Variants in MSN observed in about 807,000 individuals in gnomAD.
MSN encodes epididymis luminal protein 70.
Under a neutral mutation model 48.0 loss-of-function variants are expected in MSN, and 2 were observed. The observed-to-expected ratio is 0.04, with a 90% CI of 0.02 to 0.13. The LOEUF is 0.13. MSN is among the 10% of genes least tolerant of loss of function. The probability of loss-of-function intolerance (pLI) is 1.00; values close to 1 mark genes in which losing one functional copy is unlikely to be tolerated. For missense variants in MSN, 267 were observed against 470.1 expected, an observed-to-expected ratio of 0.57 and a Z score of 3.99; for synonymous variants, 146 against 166.9, an observed-to-expected ratio of 0.87 and a Z score of 0.97.
At chrX:65,722,922 C>T (rs1391978040) in intron 2 of MSN, among the ~76,000 whole-genome samples, 2 of 111,543 alleles carry the variant, frequency 1.8e-5, no homozygotes. Context: ...CCTCTACAGA[C>T]CTCAGATGTA....
rs1324870870 is a variant in MSN at position 65,667,683 on chromosome X, C to A, written c.-159C>A. On this transcript the variant is annotated 5_prime_UTR_variant, in exon 1 of 13. Coordinates refer to ENST00000360270, the MANE Select transcript of MSN (RefSeq NM_002444.3). ...CTTTCCTGGGTGGGGTTTGTGAAGT[C>A]GTGGCCCGTTAGCAGGAAGCCTAAC... The A allele has an allele frequency of 3.6e-6, 4 of 1,097,572 alleles. No homozygotes were observed. Among genetic ancestry groups the A allele is most frequent in the African/African-American group, 3.7e-5 (2 of 54,593 alleles). The allele number at this position is 1,097,572 out of a possible 1,213,427, so 90.5% of individuals were successfully genotyped here. A position where few individuals can be genotyped will look rare whatever the true frequency, so the allele number is the denominator to read the frequency against.
intron 1 of MSN, among the ~76,000 whole-genome samples, chrX:65,622,953 TATC>T (rs1314083883): frequency 8.9e-6 from 1 of 112,117 alleles, no homozygotes; most frequent in Non-Finnish European, 1.9e-5. Context: ...TGAGTGTTTT[TATC>T]ATCAAAAGGT....
intron 3 of MSN, 116 bp from the exon 4 acceptor site, chrX:65,729,322 C>T: frequency 1.2e-6 from 1 of 842,549 alleles, no homozygotes; most frequent in Non-Finnish European, 1.7e-6. Flanking sequence ...AGTTGCCACC[C>T]AGCTGTCTAA....
intron 1 of MSN, among the ~76,000 whole-genome samples, chrX:65,606,727 T>G (rs769740183): frequency 8.9e-6 from 1 of 112,889 alleles, no homozygotes; most frequent in East Asian, 2.8e-4. Context: ...AGGCTGATCA[T>G]CAATTTAATT....
At chrX:65,592,752 AT>A (rs1363291655) in intron 1 of MSN, among the ~76,000 whole-genome samples, 1 of 110,516 alleles carries the variant, frequency 9.0e-6, no homozygotes, top group Non-Finnish European at 1.9e-5. Context: ...TAAAAACACA[AT>A]TTTGAGGCTG....
rs57619860 is a variant in MSN at position 65,657,060 on chromosome X, G to T, written c.-21-59758G>T. Reference sequence around the variant, plus strand: ...GACGAGGGAGGAGCCTGTTCCAACAGTTGAGGCCAGAGTCGGGGAGGGCTG... The same window carrying T: ...GACGAGGGAGGAGCCTGTTCCAACATTTGAGGCCAGAGTCGGGGAGGGCTG... On this transcript the variant is annotated intron_variant, in intron 1 of 3. Transcript: ENST00000609672. 2.2e-3 allele frequency among the ~76,000 whole-genome samples: 246 copies of T among 111,995 alleles called. 1 individual carries two copies. Among genetic ancestry groups the T allele is most frequent in the African/African-American group, 7.4e-3 (229 of 30,873 alleles).
intron 1 of MSN, among the ~76,000 whole-genome samples, chrX:65,605,467 A>T (rs992756260): frequency 8.9e-6 from 1 of 112,035 alleles, no homozygotes; most frequent in Admixed American, 9.5e-5. Context: ...TAGCCTCCTT[A>T]CAGGTCTCCT....
chrX:65,703,557 G>GT (rs1238764557), intron 1 of MSN, among the ~76,000 whole-genome samples: 1 of 109,818 alleles, frequency 9.1e-6, no homozygotes, highest in African/African-American at 3.3e-5. Context: ...GAAAACAGAG[G>GT]TTTTTTGTTT....
chrX:65,654,314 G>C (rs2070766047), intron 1 of MSN, among the ~76,000 whole-genome samples: 1 of 107,454 alleles, frequency 9.3e-6, no homozygotes, highest in Non-Finnish European at 1.9e-5. Flanking sequence ...GTAGAGACAG[G>C]GTTTCACCAC....
chrX:65,662,713 T>A (rs866770551), upstream of MSN, among the ~76,000 whole-genome samples: 2 of 112,319 alleles, frequency 1.8e-5, no homozygotes, highest in Non-Finnish European at 3.8e-5. Flanking sequence ...ACACACTTCT[T>A]GACATAGGCC....
At chrX:65,619,505 C>G (rs1281595084) in intron 1 of MSN, among the ~76,000 whole-genome samples, 1 of 99,222 alleles carries the variant, frequency 1.0e-5, no homozygotes, top group Non-Finnish European at 1.9e-5. Context: ...CGCATCGGCT[C>G]CTGAGGCTTC....
At chrX:65,639,486 G>A (rs1246714040) in intron 1 of MSN, among the ~76,000 whole-genome samples, 1 of 112,117 alleles carries the variant, frequency 8.9e-6, no homozygotes, top group Admixed American at 9.5e-5. Flanking sequence ...ATAAGCGAAA[G>A]AGCCAGAACC....
At position 65,710,596 on chromosome X, in the gene MSN, A is replaced by G. The variant is rs963444270; in HGVS notation, c.13-6222A>G. The stretch of plus-strand genomic sequence containing the variant: ...ATAAAAATAAAAATAAAATAAAGGC[A>G]GCAATAATAGCAGTACCCATGACCT... On this transcript the variant is annotated intron_variant, in intron 1 of 12. Coordinates refer to ENST00000360270, the MANE Select transcript of MSN (RefSeq NM_002444.3). Among the ~76,000 whole-genome samples the G allele has an allele frequency of 4.4e-5, 5 of 112,572 alleles. No individual in the cohort carries two copies. In the Admixed American group the frequency reaches 4.7e-4, roughly 11 times the overall value.
chrX:65,729,343 A>G, intron 3 of MSN, 95 bp from the exon 4 acceptor site: 1 of 1,003,680 alleles, frequency 1.0e-6, no homozygotes, highest in Non-Finnish European at 1.3e-6. Context: ...GATTATGCAA[A>G]TTGATGATCT....
chrX:65,696,332 A>G lies in MSN; in HGVS notation c.13-20486A>G, dbSNP rs771995690. ...ATGTAGAACCTGTATGTGTATACAT[A>G]TGTCTGTGTCAATGATGTGGGTTCT... On this transcript the variant is annotated intron_variant, in intron 1 of 12. Coordinates refer to ENST00000360270, the MANE Select transcript of MSN (RefSeq NM_002444.3). 1.1e-4 allele frequency among the ~76,000 whole-genome samples: 12 copies of G among 111,762 alleles called. No individual in the cohort carries two copies. The South Asian group carries it at 3.3e-3, about 31-fold the overall frequency.
chrX:65,674,491 A>G (rs979040208), intron 1 of MSN, among the ~76,000 whole-genome samples: 3 of 110,981 alleles, frequency 2.7e-5, no homozygotes, highest in Non-Finnish European at 3.8e-5. Context: ...TGCTATAGCA[A>G]GTTTTTCTGG....
rs1170408057 is a variant in MSN at position 65,740,090 on chromosome X, C to G, written c.*197C>G. The G allele has an allele frequency of 2.7e-6, 1 of 369,792 alleles. No homozygotes were observed. Among genetic ancestry groups the G allele is most frequent in the Non-Finnish European group, 4.8e-6 (1 of 210,006 alleles). The allele number at this position is 369,792 out of a possible 1,213,427, so 30.5% of individuals were successfully genotyped here. On this transcript the variant is annotated 3_prime_UTR_variant, in exon 13 of 13. Transcript: ENST00000360270. ...CTTCCCTGGGCAAATGAATGGCTCACTATGGTGCCAATGGAACCTCCTTTC... is the reference window on the plus strand; with the variant it reads ...CTTCCCTGGGCAAATGAATGGCTCAGTATGGTGCCAATGGAACCTCCTTTC...
At chrX:65,632,728 C>T (rs747385502) in intron 1 of MSN, among the ~76,000 whole-genome samples, 12 of 111,396 alleles carry the variant, frequency 1.1e-4, no homozygotes, top group African/African-American at 3.6e-4. Context: ...TGAAGGTTCA[C>T]GTGTATAAAG....
chrX:65,705,908 T>C (rs2071357566), intron 1 of MSN, among the ~76,000 whole-genome samples: 2 of 111,734 alleles, frequency 1.8e-5, no homozygotes, highest in Non-Finnish European at 3.8e-5. Flanking sequence ...TTGGGTGTTG[T>C]TCTCCTTTCT....
Sources: allele counts gnomAD v4.1 joint callset (sites outside exome capture counted in the v4.1 genomes callset), GRCh38; gene constraint gnomAD v4.1.1; transcripts MANE v1.5; gene names NCBI Gene and HGNC (gene_info 2026-07-23, HGNC 2026-07-21).